ZNF519: variants seen among roughly 807,000 people sequenced by gnomAD.
ZNF519 encodes similar to Zinc finger protein 85 (Zinc finger protein HPF4) (HTF1).
In ZNF519, 7 loss-of-function variants were observed where a neutral mutation model predicts 7.4. The ratio of observed to expected loss-of-function variants is 0.94; its 90% CI spans 0.54 to 1.77. The LOEUF (loss-of-function observed/expected upper bound fraction) is 1.77, where lower values mean the gene tolerates loss of function less well. ZNF519 is among the 40% of genes most tolerant of loss of function. The probability of loss-of-function intolerance (pLI) is 0.00; values close to 1 mark genes in which losing one functional copy is unlikely to be tolerated. For synonymous variants in ZNF519, 179 were observed against 203.3 expected (o/e 0.88, Z 1.02); for missense variants, 586 against 623.1 (o/e 0.94, Z 0.63).
chr18:14,071,895 G>C (rs1423010715), downstream of ZNF519: 3 of 152,132 alleles, frequency 2.0e-5, no homozygotes, highest in African/African-American at 7.2e-5. Flanking sequence ...CTTTCAACTT[G>C]TCTTGCAAGT....
At chr18:14,098,452 GC>G (rs1314161563), downstream of ZNF519, among the ~76,000 whole-genome samples, 2 of 151,812 alleles carry the variant, frequency 1.3e-5, no homozygotes, top group Non-Finnish European at 1.5e-5. Flanking sequence ...GAGCCACCAC[GC>G]CTGGCCAACT....
chr18:14,123,495 G>C (rs2046280065), intron 2 of ZNF519, among the ~76,000 whole-genome samples: 1 of 152,146 alleles, frequency 6.6e-6, no homozygotes, highest in Non-Finnish European at 1.5e-5. Context: ...GAGGCAGGAG[G>C]ACTGCCTGAG....
At chr18:14,098,279 G>C (rs2143110174), downstream of ZNF519, among the ~76,000 whole-genome samples, 1 of 151,480 alleles carries the variant, frequency 6.6e-6, no homozygotes, top group Non-Finnish European at 1.5e-5. Flanking sequence ...TCCTGCCTCA[G>C]CTTACTGAGT....
rs555341174 is a variant in ZNF519, at chr18:14,101,929, G to C, written c.*2988C>G. On this transcript the variant is annotated 3_prime_UTR_variant, in exon 3 of 3. Coordinates refer to ENST00000590202, the MANE Select transcript of ZNF519 (RefSeq NM_145287.4). Reference sequence around the variant, plus strand: ...TACTTTTTCTCCTAAATGCATGAAAGGCAGAGCTTTTCAACATGAATAATT... The same window carrying C: ...TACTTTTTCTCCTAAATGCATGAAACGCAGAGCTTTTCAACATGAATAATT... 1.4e-4 allele frequency: 56 copies of C among 394,128 alleles called. 1 individual carries two copies. The highest frequency in any genetic ancestry group is 2.4e-4 in the Non-Finnish European group (53 of 224,042). The allele number at this position is 394,128 out of a possible 1,614,324, so 24.4% of individuals were successfully genotyped here.
At chr18:14,094,859 A>G (rs980513134) in intron 2 of ZNF519, among the ~76,000 whole-genome samples, 4 of 151,802 alleles carry the variant, frequency 2.6e-5, no homozygotes, top group African/African-American at 7.2e-5. Context: ...TATTTTGTTC[A>G]TGTTGTTTCC....
intron 2 of ZNF519, among the ~76,000 whole-genome samples, chr18:14,087,558 C>T (rs920199800): frequency 6.6e-6 from 1 of 152,082 alleles, no homozygotes; most frequent in Admixed American, 6.5e-5. Flanking sequence ...TCTTCAATAT[C>T]AGCCAGATAA....
intron 2 of ZNF519, among the ~76,000 whole-genome samples, chr18:14,086,162 G>A (rs2046089764): frequency 6.6e-6 from 1 of 152,230 alleles, no homozygotes. Context: ...TGGCAATGCA[G>A]TGCTGGCATA....
intron 3 of ZNF519, among the ~76,000 whole-genome samples, chr18:14,083,429 C>G (rs1334806398): frequency 6.6e-6 from 1 of 152,148 alleles, no homozygotes; most frequent in Non-Finnish European, 1.5e-5. Flanking sequence ...ACTCCATGAA[C>G]AAGGTTTCCA....
chr18:14,125,689 T>A (rs2046295550), intron 1 of ZNF519, among the ~76,000 whole-genome samples: 1 of 145,908 alleles, frequency 6.9e-6, no homozygotes, highest in Non-Finnish European at 1.5e-5. Flanking sequence ...CTGGTTTTAA[T>A]TTTTTTTTTT....
At chr18:14,090,318 ACC>A (rs1268086884) in intron 2 of ZNF519, 1 of 152,170 alleles carries the variant, frequency 6.6e-6, no homozygotes, top group African/African-American at 2.4e-5. Flanking sequence ...CAGTATAGCC[ACC>A]CTTGCCGAGG....
chr18:14,086,417 T>C (rs988028780), intron 2 of ZNF519, among the ~76,000 whole-genome samples: 2 of 152,202 alleles, frequency 1.3e-5, no homozygotes, highest in African/African-American at 4.8e-5. Context: ...CTGGCCTCAG[T>C]GGCTTTGGGC....
intron 2 of ZNF519, 117 bp downstream of exon 2, chr18:14,124,233 G>T: frequency 3.2e-6 from 3 of 951,994 alleles, no homozygotes; most frequent in Non-Finnish European, 4.4e-6. Context: ...ATTTTTTCTT[G>T]AAGAAAAGAA....
chr18:14,118,356 C>G (rs1438865322), intron 2 of ZNF519, among the ~76,000 whole-genome samples: 1 of 152,172 alleles, frequency 6.6e-6, no homozygotes, highest in African/African-American at 2.4e-5. Flanking sequence ...CTGCGCCTGG[C>G]CACAATGAAT....
chr18:14,130,453 T>TA (rs1192298109), intron 1 of ZNF519, among the ~76,000 whole-genome samples: 1 of 152,002 alleles, frequency 6.6e-6, no homozygotes, highest in Non-Finnish European at 1.5e-5. Flanking sequence ...TACAGTTAAT[T>TA]AAAAAAACCG....
chr18:14,081,931 C>G (rs1277131008), intron 3 of ZNF519, among the ~76,000 whole-genome samples: 1 of 151,898 alleles, frequency 6.6e-6, no homozygotes, highest in Non-Finnish European at 1.5e-5. Flanking sequence ...AGATGTAAAT[C>G]TTGCAAGAAA....
At position 14,116,544 on chromosome 18, in the gene ZNF519, T is replaced by A. The variant is rs540863524; in HGVS notation, c.130+7806A>T. Among the ~76,000 whole-genome samples the A allele has an allele frequency of 7.9e-5, 12 of 152,286 alleles. No homozygotes were observed. In the South Asian group the frequency reaches 2.3e-3, roughly 29 times the overall value. On this transcript the variant is annotated intron_variant, in intron 2 of 2. Transcript: ENST00000590202. ...CAAATGATCTTCAACAAGGTTACTA[T>A]AACAACATATTAAGGAAAAGATAGT... is the stretch of plus-strand genomic sequence containing the variant.
chr18:14,089,482 T>C (rs1445317646), intron 2 of ZNF519, among the ~76,000 whole-genome samples: 1 of 152,170 alleles, frequency 6.6e-6, no homozygotes, highest in East Asian at 1.9e-4. Context: ...GTGGGCTAAA[T>C]GGGCATTTCT....
At chr18:14,117,095 C>T (rs966862413) in intron 2 of ZNF519, among the ~76,000 whole-genome samples, 5 of 151,886 alleles carry the variant, frequency 3.3e-5, no homozygotes, top group African/African-American at 1.2e-4. Context: ...ACATGAGCAA[C>T]AAATTTAAAA....
chr18:14,073,411 C>G (rs1447606362), downstream of ZNF519: 1 of 152,272 alleles, frequency 6.6e-6, no homozygotes, highest in South Asian at 2.1e-4. Context: ...GCTGGGACTA[C>G]AGGCACTTGC....
Sources: allele counts gnomAD v4.1 joint callset (sites outside exome capture counted in the v4.1 genomes callset), GRCh38; gene constraint gnomAD v4.1.1; transcripts MANE v1.5; gene names NCBI Gene and HGNC (gene_info 2026-07-23, HGNC 2026-07-21).